Variants in SLC13A5 observed in about 807,000 individuals in gnomAD.
The protein encoded by SLC13A5 is solute carrier family 13 member 5.
In SLC13A5, 25 loss-of-function variants were observed where a neutral mutation model predicts 56.5. The observed-to-expected ratio is 0.44, with a 90% CI of 0.32 to 0.62. SLC13A5 has a LOEUF of 0.62. Among genes scored for constraint, SLC13A5 ranks in the 20% least tolerant of loss-of-function variants. SLC13A5 has a pLI of 0.04. For synonymous variants in SLC13A5, 307 were observed against 301.5 expected, an observed-to-expected ratio of 1.02 and a Z score of -0.19; for missense variants, 649 against 737.8, an observed-to-expected ratio of 0.88 and a Z score of 1.39.
chr17:6,686,463 G>T (rs760991700), intron 11 of SLC13A5, 125 bp from the exon 12 acceptor site: 141 of 1,253,312 alleles, frequency 1.1e-4, no homozygotes, highest in Non-Finnish European at 1.5e-4. Context: ...TGGCTGGGGT[G>T]TCCCGACCCC....
rs921686093 is a variant in SLC13A5 at position 6,713,028 on chromosome 17, G to A, written c.102+204C>T. On this transcript the variant is annotated intron_variant, in intron 1 of 11. Coordinates refer to ENST00000433363, the MANE Select transcript of SLC13A5 (RefSeq NM_177550.5). This position sits in a 1 kb window ranked among gnomAD's most constrained non-coding sequence, Gnocchi z 7.3. ...CCTGGGATCTGTAAACCCCAAGGGT[G>A]GTGCGCCCTGGGGTCGCCATGCCCC... 8.5e-5 allele frequency among the ~76,000 whole-genome samples: 13 copies of A among 152,164 alleles called. No individual in the cohort carries two copies. The highest frequency in any genetic ancestry group is 3.1e-4 in the African/African-American group (13 of 41,436).
At chr17:6,704,649 AC>A (rs1190469405) in intron 3 of SLC13A5, 2 of 213,182 alleles carry the variant, frequency 9.4e-6, no homozygotes, top group African/African-American at 4.5e-5. Flanking sequence ...ATACACTTTG[AC>A]CCCTCCATGC....
intron 1 of SLC13A5, among the ~76,000 whole-genome samples, chr17:6,712,471 A>G (rs1166839587): frequency 6.6e-6 from 1 of 152,202 alleles, no homozygotes; most frequent in Non-Finnish European, 1.5e-5. Flanking sequence ...AAGCATTAGG[A>G]GACTAGGGCC....
At chr17:6,709,026 T>G (rs903753579) in intron 1 of SLC13A5, among the ~76,000 whole-genome samples, 8 of 149,172 alleles carry the variant, frequency 5.4e-5, no homozygotes, top group Non-Finnish European at 1.0e-4. Context: ...GGTCTGGCTC[T>G]GTTGCCCAGG....
chr17:6,709,372 C>T lies in SLC13A5; in HGVS notation c.103-2216G>A, dbSNP rs139099696. ...GCAGCCTCTACCTCCCAGGTTCAAGCGATTCTCCTGCCTCAGTCTCCTGAG... is the reference window on the plus strand; with the variant it reads ...GCAGCCTCTACCTCCCAGGTTCAAGTGATTCTCCTGCCTCAGTCTCCTGAG... On this transcript the variant is annotated intron_variant, in intron 1 of 11. Coordinates refer to ENST00000433363, the MANE Select transcript of SLC13A5 (RefSeq NM_177550.5). Among the ~76,000 whole-genome samples the T allele has an allele frequency of 6.3e-3, 965 of 152,168 alleles. 7 individuals are homozygous for T. The highest frequency in any genetic ancestry group is 0.022 in the African/African-American group (912 of 41,492).
At chr17:6,698,851 A>T (rs1973628620) in intron 6 of SLC13A5, among the ~76,000 whole-genome samples, 1 of 152,094 alleles carries the variant, frequency 6.6e-6, no homozygotes, top group Non-Finnish European at 1.5e-5. Context: ...CAGCCTGGCC[A>T]ACATGGCAAA....
chr17:6,695,992 T>C (rs749093703), intron 6 of SLC13A5, 51 bp from the exon 7 acceptor site: 67 of 1,554,080 alleles, frequency 4.3e-5, no homozygotes, highest in Admixed American at 1.5e-4. Flanking sequence ...TTGGCTCAGG[T>C]GCTGGTCAGA....
chr17:6,687,837 C>T lies in SLC13A5; in HGVS notation c.1438-171G>A, dbSNP rs1973292154. 1.2e-6 allele frequency: 1 copy of T among 802,714 alleles called. No individual in the cohort carries two copies. 49.7% of individuals were successfully genotyped at this position (802,714 alleles called of 1,614,324 possible). The stretch of plus-strand genomic sequence containing the variant: ...GGCAGATAATTCCACCTACGGAACA[C>T]TGAAGGCTGAGGTCAGAGGCCACCT... On this transcript the variant is annotated intron_variant, in intron 10 of 11. Coordinates refer to ENST00000433363, the MANE Select transcript of SLC13A5 (RefSeq NM_177550.5). This position sits in a 1 kb window ranked among gnomAD's most constrained non-coding sequence, Gnocchi z 5.0.
At chr17:6,688,063 G>C (rs1441176054) in intron 10 of SLC13A5, 1 of 158,156 alleles carries the variant, frequency 6.3e-6, no homozygotes, top group Non-Finnish European at 1.4e-5. Context: ...CTGTGGATGT[G>C]TGTGTTTTTA....
chr17:6,687,980 A>G lies in SLC13A5; in HGVS notation c.1438-314T>C, dbSNP rs914100080. On this transcript the variant is annotated intron_variant, in intron 10 of 11. Coordinates refer to ENST00000433363, the MANE Select transcript of SLC13A5 (RefSeq NM_177550.5). This position sits in a 1 kb window ranked among gnomAD's most constrained non-coding sequence, Gnocchi z 5.0. ...CTCAACCTTACAGTGCCGCGTGCAC[A>G]TGTCTGTCTGTCTTGCCACAGACTG... is the stretch of plus-strand genomic sequence containing the variant. 5.9e-5 allele frequency: 12 copies of G among 204,882 alleles called. No homozygotes were observed. The highest frequency in any genetic ancestry group is 1.2e-4 in the Non-Finnish European group (12 of 103,164). 12.7% of individuals were successfully genotyped at this position (204,882 alleles called of 1,614,324 possible). A position where few individuals can be genotyped will look rare whatever the true frequency, so the allele number is the denominator to read the frequency against.
chr17:6,703,205 A>C, intron 4 of SLC13A5, 67 bp from the exon 5 acceptor site: 1 of 1,583,822 alleles, frequency 6.3e-7, no homozygotes, highest in Non-Finnish European at 8.6e-7. Context: ...CCAGGTCCTG[A>C]CTCTGCTGCT....
rs200900896 is a variant in SLC13A5 at position 6,693,178 on chromosome 17, AACACAC to A, written c.1157-22_1157-17del. The A allele has an allele frequency of 0.013, 9,201 of 696,348 alleles. 43 individuals carry two copies. The highest frequency in any genetic ancestry group is 0.033 in the African/African-American group (1,636 of 48,938). The allele number at this position is 696,348 out of a possible 1,614,324, so 43.1% of individuals were successfully genotyped here. A position where few individuals can be genotyped will look rare whatever the true frequency, so the allele number is the denominator to read the frequency against. ...GTTTTCCTTTCTGGGAAGAAAAAGA[AACACAC>A]ACACACACACACACACACACACACA... On this transcript the variant is annotated splice_polypyrimidine_tract_variant and intron_variant, in intron 8 of 11. Coordinates refer to ENST00000433363, the MANE Select transcript of SLC13A5 (RefSeq NM_177550.5).
chr17:6,688,322 A>G (rs932611996), intron 10 of SLC13A5: 1 of 152,252 alleles, frequency 6.6e-6, no homozygotes, highest in Non-Finnish European at 1.5e-5. Context: ...AGCCAACTCA[A>G]TGGTCACTAA....
At position 6,701,090 on chromosome 17, in the gene SLC13A5, A is replaced by G. The variant is rs2151492055; in HGVS notation, c.753T>C (p.Ala251=). Residue 251 remains alanine (A), a synonymous_variant, in exon 6 of 12, where the codon GCT becomes GCC. Transcript: ENST00000433363. The surrounding 1 kb of genome is among the most constrained non-coding windows in gnomAD (Gnocchi z 4.1). ...FPDSKDLVNF[A]SWFAFAFPNM... ...TGGGAAAGGCAAATGCAAACCAGGA[A>G]GCAAAGTTCACGAGGTCCTTGCTGT... is the stretch of plus-strand genomic sequence containing the variant. The G allele has an allele frequency of 6.2e-7, 1 of 1,614,212 alleles. No homozygotes were observed. The highest frequency in any genetic ancestry group is 8.5e-7 in the Non-Finnish European group (1 of 1,180,024).
chr17:6,694,697 T>C (rs1483925479), intron 7 of SLC13A5, among the ~76,000 whole-genome samples: 1 of 152,176 alleles, frequency 6.6e-6, no homozygotes, highest in African/African-American at 2.4e-5. Context: ...CAACTTTGGG[T>C]GATCCTAAGC....
chr17:6,698,157 C>T (rs1166557928), intron 6 of SLC13A5, among the ~76,000 whole-genome samples: 1 of 152,256 alleles, frequency 6.6e-6, no homozygotes, highest in Non-Finnish European at 1.5e-5. Flanking sequence ...CCGTGAGCTA[C>T]CCCGGCCAGC....
rs753251407 is a variant in SLC13A5, at chr17:6,695,813, A to C, written c.968T>G (p.Phe323Cys). The C allele has an allele frequency of 6.2e-7, 1 of 1,614,196 alleles. No homozygotes were observed. Among genetic ancestry groups the C allele is most frequent in the Non-Finnish European group, 8.5e-7 (1 of 1,180,042 alleles). Residue 323 changes from phenylalanine to cysteine, a missense_variant, in exon 7 of 12, where the codon TTC becomes TGC. By Grantham distance (205) the Phe-to-Cys change is radical. Coordinates refer to ENST00000433363, the MANE Select transcript of SLC13A5 (RefSeq NM_177550.5). ...SFAEINVLIC[F>C]FLLVILWFSR... Reference sequence around the variant, plus strand: ...GAACCACAGGATGACCAGCAGGAAGAAGCAGATCAGCACGTTGATCTCCGC... The same window carrying C: ...GAACCACAGGATGACCAGCAGGAAGCAGCAGATCAGCACGTTGATCTCCGC...
intron 10 of SLC13A5, chr17:6,690,060 GCAAAAAAAAAAAAAAAA>G (rs1172335464): frequency 1.3e-4 from 1 of 7,912 alleles, no homozygotes; most frequent in Non-Finnish European, 2.8e-4. Context: ...AGAAGGAAAT[GCAAAAAAAAAAAAAAAA>G]AAAAAAAAAA....
chr17:6,713,123 G>A lies in SLC13A5; in HGVS notation c.102+109C>T, dbSNP rs1974083210. On this transcript the variant is annotated intron_variant, in intron 1 of 11. Coordinates refer to ENST00000433363, the MANE Select transcript of SLC13A5 (RefSeq NM_177550.5). This position sits in a 1 kb window ranked among gnomAD's most constrained non-coding sequence, Gnocchi z 7.3. ...TGAGTGCGCGCGCCCCGGGAGAGCTGTGCTCCCCGCGAAATCCGTGCGCTC... is the reference window on the plus strand; with the variant it reads ...TGAGTGCGCGCGCCCCGGGAGAGCTATGCTCCCCGCGAAATCCGTGCGCTC... 3 of 1,121,704 alleles carry A rather than the reference G, an allele frequency of 2.7e-6. No individual in the cohort carries two copies. Among genetic ancestry groups the A allele is most frequent in the East Asian group, 2.6e-5 (1 of 38,804 alleles). 69.5% of individuals were successfully genotyped at this position (1,121,704 alleles called of 1,614,324 possible).
Sources: gnomAD v4.1 joint callset for allele counts (sites outside exome capture counted in the v4.1 genomes callset) on GRCh38, gnomAD v4.1.1 for gene constraint, Gnocchi (gnomAD v3.1) non-coding constraint, MANE v1.5 for transcripts, NCBI Gene and HGNC (gene_info 2026-07-23, HGNC 2026-07-21) for gene names.